Variants in MBOAT2 observed in about 807,000 individuals in gnomAD.
The protein encoded by MBOAT2 is membrane-bound glycerophospholipid O-acyltransferase 2.
In MBOAT2, 28 loss-of-function variants were observed where a neutral mutation model predicts 63.4. The observed-to-expected ratio is 0.44, with a 90% CI of 0.33 to 0.61. The LOEUF is 0.61. Among genes scored for constraint, MBOAT2 ranks in the 20% least tolerant of loss-of-function variants. MBOAT2 has a pLI of 0.03. For missense variants in MBOAT2, 470 were observed against 605.8 expected (o/e 0.78, Z 2.35); for synonymous variants, 211 against 215.6 (o/e 0.98, Z 0.19).
At chr2:8,938,253 C>T (rs913005718) in intron 3 of MBOAT2, among the ~76,000 whole-genome samples, 1 of 152,088 alleles carries the variant, frequency 6.6e-6, no homozygotes, top group African/African-American at 2.4e-5. Flanking sequence ...TTTGAGAGGA[C>T]AAGAGGATTG....
chr2:8,918,471 G>A (rs573299816), intron 3 of MBOAT2, among the ~76,000 whole-genome samples: 1 of 152,304 alleles, frequency 6.6e-6, no homozygotes, highest in South Asian at 2.1e-4. Flanking sequence ...GTAACACAGA[G>A]ACACTAAGTG....
intron 12 of MBOAT2, 22 bp from the exon 13 acceptor site, chr2:8,858,926 T>C (rs769878863): frequency 6.5e-7 from 1 of 1,548,804 alleles, no homozygotes; most frequent in Non-Finnish European, 8.8e-7. Flanking sequence ...AGGGAAAAAG[T>C]TTATTAAAAC....
chr2:8,916,858 T>C (rs1194994781), intron 3 of MBOAT2, among the ~76,000 whole-genome samples: 2 of 152,230 alleles, frequency 1.3e-5, no homozygotes, highest in Admixed American at 1.3e-4. Context: ...TAGTGTTTTA[T>C]GCACTTATTG....
chr2:8,888,967 G>A (rs1222270111), intron 4 of MBOAT2, among the ~76,000 whole-genome samples: 1 of 152,228 alleles, frequency 6.6e-6, no homozygotes, highest in Non-Finnish European at 1.5e-5. Flanking sequence ...TTGACCAGAA[G>A]TTATTTAATT....
At chr2:8,920,518 G>C (rs1005496517) in intron 3 of MBOAT2, among the ~76,000 whole-genome samples, 13 of 151,556 alleles carry the variant, frequency 8.6e-5, no homozygotes, top group African/African-American at 2.9e-4. Flanking sequence ...AAGGTCCTTA[G>C]TATTTCCATA....
intron 3 of MBOAT2, among the ~76,000 whole-genome samples, chr2:8,910,613 C>G (rs551447805): frequency 6.6e-6 from 1 of 152,274 alleles, no homozygotes; most frequent in South Asian, 2.1e-4. Context: ...GCACATGCCT[C>G]TTAGACATTC....
chr2:8,891,570 AT>A (rs1267148341), intron 4 of MBOAT2, among the ~76,000 whole-genome samples: 1 of 152,234 alleles, frequency 6.6e-6, no homozygotes, highest in African/African-American at 2.4e-5. Context: ...AATTAGGGTG[AT>A]TCACACAACT....
chr2:8,975,208 G>T (rs1462304765), intron 1 of MBOAT2, among the ~76,000 whole-genome samples: 1 of 152,054 alleles, frequency 6.6e-6, no homozygotes, highest in African/African-American at 2.4e-5. Flanking sequence ...AATCTGCCTC[G>T]TTTCCTCCTG....
chr2:8,986,565 T>TAA (rs143944201), intron 1 of MBOAT2, among the ~76,000 whole-genome samples: 4 of 145,392 alleles, frequency 2.8e-5, no homozygotes, highest in South Asian at 2.2e-4. Context: ...ATTCTGTCTT[T>TAA]AAAAAAAAAA....
chr2:8,880,571 A>C (rs1404602987), intron 6 of MBOAT2, among the ~76,000 whole-genome samples: 1 of 152,226 alleles, frequency 6.6e-6, no homozygotes, highest in Non-Finnish European at 1.5e-5. Flanking sequence ...TAAATTAAGG[A>C]GCCTTCAAAC....
intron 4 of MBOAT2, among the ~76,000 whole-genome samples, chr2:8,891,285 A>G: frequency 6.6e-6 from 1 of 152,236 alleles, no homozygotes; most frequent in Admixed American, 6.5e-5. Flanking sequence ...TGAAAATAAG[A>G]AAGGATTATA....
intron 6 of MBOAT2, among the ~76,000 whole-genome samples, chr2:8,880,123 G>A (rs1663004053): frequency 6.6e-6 from 1 of 152,006 alleles, no homozygotes; most frequent in Non-Finnish European, 1.5e-5. Flanking sequence ...CACATTAAAA[G>A]CTTCCCTGGC....
intron 4 of MBOAT2, among the ~76,000 whole-genome samples, chr2:8,894,798 G>A (rs898445987): frequency 1.2e-4 from 18 of 152,178 alleles, no homozygotes; most frequent in African/African-American, 4.3e-4. Context: ...GTGGGTTCGT[G>A]GTCTTGCTGA....
intron 1 of MBOAT2, among the ~76,000 whole-genome samples, chr2:8,967,128 A>G (rs1670050066): frequency 6.6e-6 from 1 of 152,222 alleles, no homozygotes; most frequent in Non-Finnish European, 1.5e-5. Context: ...GCAATAAACC[A>G]TACTGTCTGG....
chr2:8,889,947 G>C (rs537069069), intron 4 of MBOAT2, among the ~76,000 whole-genome samples: 1 of 152,232 alleles, frequency 6.6e-6, no homozygotes, highest in South Asian at 2.1e-4. Context: ...TGCGCTGGGA[G>C]GACGGGTGAC....
intron 2 of MBOAT2, among the ~76,000 whole-genome samples, chr2:8,949,271 C>T (rs988710035): frequency 2.0e-5 from 3 of 152,044 alleles, no homozygotes; most frequent in African/African-American, 7.2e-5. Flanking sequence ...ATATTTTCTC[C>T]CATTCTGTAG....
intron 3 of MBOAT2, among the ~76,000 whole-genome samples, chr2:8,931,916 A>G (rs1239881129): frequency 6.6e-6 from 1 of 152,150 alleles, no homozygotes; most frequent in Non-Finnish European, 1.5e-5. Context: ...ATTATTTCTG[A>G]GATCTCTATT....
chr2:8,865,445 C>T (rs1661801307), intron 9 of MBOAT2, among the ~76,000 whole-genome samples: 1 of 152,094 alleles, frequency 6.6e-6, no homozygotes, highest in Non-Finnish European at 1.5e-5. Flanking sequence ...AGAAGTGGTC[C>T]TTCTCCTTTA....
intron 1 of MBOAT2, chr2:8,974,455 A>G (rs1045552072): frequency 2.2e-6 from 1 of 456,300 alleles, no homozygotes; most frequent in African/African-American, 2.0e-5. Flanking sequence ...ATAAATAAGA[A>G]AGCAGAACAG....
Sources: gnomAD v4.1 joint callset for allele counts (sites outside exome capture counted in the v4.1 genomes callset) on GRCh38, gnomAD v4.1.1 for gene constraint, MANE v1.5 for transcripts, NCBI Gene and HGNC (gene_info 2026-07-23, HGNC 2026-07-21) for gene names.